The following ZNF385D variants were observed in gnomAD, a reference collection of about 807,000 sequenced individuals.
The protein encoded by ZNF385D is zinc finger protein 659.
ZNF385D carries 15 observed loss-of-function variants against 35.8 expected under a neutral mutation model. The observed-to-expected ratio is 0.42, with a 90% confidence interval of 0.28 to 0.64. ZNF385D has a LOEUF of 0.64. Among genes scored for constraint, ZNF385D ranks in the 30% least tolerant of loss-of-function variants. ZNF385D has a pLI of 0.23. For missense variants in ZNF385D, 474 were observed against 494.6 expected, an observed-to-expected ratio of 0.96 and a Z score of 0.39; for synonymous variants, 212 against 186.8, an observed-to-expected ratio of 1.13 and a Z score of -1.10.
At chr3:21,826,393 A>G (rs138991859) in intron 3 of ZNF385D, among the ~76,000 whole-genome samples, 27 of 152,294 alleles carry the variant, frequency 1.8e-4, no homozygotes, top group South Asian at 8.3e-4. Flanking sequence ...GTAGCTGAAC[A>G]GCCCTTATTT....
At chr3:21,561,026 C>T (rs1370079227) in intron 3 of ZNF385D, among the ~76,000 whole-genome samples, 1 of 152,194 alleles carries the variant, frequency 6.6e-6, no homozygotes, top group African/African-American at 2.4e-5. Flanking sequence ...AGGTCGACCT[C>T]AGACTGCCAT....
chr3:21,871,646 T>C (rs1045955769), intron 3 of ZNF385D, among the ~76,000 whole-genome samples: 41 of 152,146 alleles, frequency 2.7e-4, no homozygotes, highest in African/African-American at 8.9e-4. Context: ...AGAGATTTAA[T>C]TTGATTAAGA....
At chr3:21,518,184 T>A (rs1157162991) in intron 3 of ZNF385D, among the ~76,000 whole-genome samples, 2 of 152,196 alleles carry the variant, frequency 1.3e-5, no homozygotes, top group East Asian at 3.8e-4. Flanking sequence ...ACATTTTTAC[T>A]TGAACAATGT....
At chr3:21,592,562 A>C (rs760912527) in intron 2 of ZNF385D, among the ~76,000 whole-genome samples, 108 of 107,660 alleles carry the variant, frequency 1.0e-3, no homozygotes, top group Non-Finnish European at 1.5e-3. Context: ...AAAACCAAAA[A>C]CAAAAAAAAA....
intron 3 of ZNF385D, among the ~76,000 whole-genome samples, chr3:21,954,807 T>C (rs561128954): frequency 6.6e-6 from 1 of 151,150 alleles, no homozygotes; most frequent in South Asian, 2.1e-4. Context: ...TTCCCTTTCC[T>C]CACTGACTTT....
intron 2 of ZNF385D, among the ~76,000 whole-genome samples, chr3:22,231,561 G>A (rs1244694835): frequency 1.3e-5 from 2 of 152,072 alleles, no homozygotes; most frequent in Admixed American, 6.6e-5. Flanking sequence ...GTGGCTTGGG[G>A]ACACCAAGGT....
At chr3:21,976,463 T>A (rs981998551) in intron 3 of ZNF385D, among the ~76,000 whole-genome samples, 1 of 152,136 alleles carries the variant, frequency 6.6e-6, no homozygotes, top group South Asian at 2.1e-4. Context: ...GATAGCATGA[T>A]AGAGGGACGC....
chr3:22,261,934 T>C (rs528917885), intron 2 of ZNF385D, among the ~76,000 whole-genome samples: 1 of 152,156 alleles, frequency 6.6e-6, no homozygotes, highest in South Asian at 2.1e-4. Context: ...GTTGTTGTTG[T>C]TAAACTCTCC....
intron 2 of ZNF385D, among the ~76,000 whole-genome samples, chr3:22,234,400 T>C (rs1699061855): frequency 6.6e-6 from 1 of 152,116 alleles, no homozygotes; most frequent in South Asian, 2.1e-4. Flanking sequence ...TCTTCCTCTG[T>C]TGTTTTATTA....
chr3:21,723,566 C>T (rs1340076296), intron 1 of ZNF385D, among the ~76,000 whole-genome samples: 1 of 151,774 alleles, frequency 6.6e-6, no homozygotes, highest in African/African-American at 2.4e-5. Flanking sequence ...GATTGAAGAT[C>T]GATTTAATGA....
At chr3:21,503,247 T>C (rs1405683983) in intron 4 of ZNF385D, among the ~76,000 whole-genome samples, 4 of 152,198 alleles carry the variant, frequency 2.6e-5, no homozygotes, top group Admixed American at 2.0e-4. Flanking sequence ...TAAAAATCAA[T>C]GTATGTGTAT....
chr3:21,841,001 AC>A (rs1243119716), intron 3 of ZNF385D, among the ~76,000 whole-genome samples: 5 of 151,988 alleles, frequency 3.3e-5, no homozygotes, highest in African/African-American at 1.2e-4. Flanking sequence ...TCCCTGACAA[AC>A]TGAGGCTCCT....
intron 2 of ZNF385D, among the ~76,000 whole-genome samples, chr3:22,364,215 T>C (rs1455246807): frequency 2.6e-5 from 4 of 152,082 alleles, no homozygotes. Flanking sequence ...AGTTTTGGGA[T>C]ATGACATCAA....
chr3:22,281,481 C>T (rs1415375573), intron 2 of ZNF385D, among the ~76,000 whole-genome samples: 1 of 152,020 alleles, frequency 6.6e-6, no homozygotes, highest in Non-Finnish European at 1.5e-5. Context: ...TTTTCTGTGT[C>T]TATTGAAATA....
chr3:21,885,001 G>C (rs1698468937), intron 3 of ZNF385D, among the ~76,000 whole-genome samples: 1 of 151,994 alleles, frequency 6.6e-6, no homozygotes, highest in Non-Finnish European at 1.5e-5. Context: ...AACAATGGCA[G>C]AATGCAGTAG....
intron 3 of ZNF385D, among the ~76,000 whole-genome samples, chr3:21,986,755 G>T (rs1694826825): frequency 8.5e-6 from 1 of 117,756 alleles, no homozygotes; most frequent in Non-Finnish European, 1.6e-5. Flanking sequence ...TCTGTCTAAT[G>T]TTGACAGTGG....
At chr3:22,298,428 A>G (rs185159046) in intron 2 of ZNF385D, among the ~76,000 whole-genome samples, 1,504 of 144,126 alleles carry the variant, frequency 0.01, 26 homozygotes, top group African/African-American at 0.035. Context: ...TTTATATATA[A>G]TATATAAATA....
chr3:21,574,629 C>G (rs978354968), intron 2 of ZNF385D, among the ~76,000 whole-genome samples: 1 of 151,974 alleles, frequency 6.6e-6, no homozygotes, highest in Admixed American at 6.6e-5. Flanking sequence ...TATATACCAA[C>G]AAAATGATAT....
chr3:22,160,323 G>A (rs1050261386), intron 3 of ZNF385D, among the ~76,000 whole-genome samples: 2 of 152,090 alleles, frequency 1.3e-5, no homozygotes, highest in Admixed American at 6.6e-5. Context: ...AGCCACAAAT[G>A]TTCTAGCAAG....
Sources: gnomAD v4.1 joint callset for allele counts (sites outside exome capture counted in the v4.1 genomes callset) on GRCh38, gnomAD v4.1.1 for gene constraint, MANE v1.5 for transcripts, NCBI Gene and HGNC (gene_info 2026-07-23, HGNC 2026-07-21) for gene names.